Variants in TCERG1L observed in about 807,000 individuals in gnomAD.
TCERG1L encodes the protein transcription elongation regulator 1 like.
In TCERG1L, 37 loss-of-function variants were observed where a neutral mutation model predicts 56.3. That is an observed-to-expected ratio of 0.66 (90% CI 0.51 to 0.87). The LOEUF is 0.87. Ranked by LOEUF, TCERG1L falls within the 40% of genes least tolerant of loss-of-function variation. The pLI is 0.00. For synonymous variants in TCERG1L, 324 were observed against 326.3 expected (o/e 0.99, Z 0.08); for missense variants, 799 against 774.2 (o/e 1.03, Z -0.38).
At chr10:131,104,401 G>T in intron 9 of TCERG1L, 47 bp from the exon 10 acceptor site, 1 of 1,247,732 alleles carries the variant, frequency 8.0e-7, no homozygotes, top group Non-Finnish European at 1.1e-6. Context: ...CTAATGCTAA[G>T]CCTGAAGCCG....
chr10:131,311,324 G>A lies in TCERG1L; in HGVS notation c.312C>T (p.Ala104=). 8.9e-7 allele frequency: 1 copy of A among 1,127,342 alleles called. No individual in the cohort carries two copies. 69.8% of individuals were successfully genotyped at this position (1,127,342 alleles called of 1,614,324 possible). ...CGTGGAGCGCGGGGAAGGGGTGCGC[G>A]GCGGCGGCGGCGGCGGAGTCTGGCG... ...PSAPDSAAAA[A]AHPFPALHGQ... The change falls in exon 1 of 12, where the codon GCC becomes GCT. Residue 104 remains alanine, a synonymous_variant. Coordinates refer to ENST00000368642, the MANE Select transcript of TCERG1L (RefSeq NM_174937.4). The surrounding 1 kb of genome is among the most constrained non-coding windows in gnomAD (Gnocchi z 4.0).
intron 6 of TCERG1L, chr10:131,156,114 C>T (rs532972358): frequency 1.3e-5 from 2 of 152,236 alleles, no homozygotes; most frequent in South Asian, 2.1e-4. Context: ...CTGATGTGAC[C>T]GAGCCCCGCA....
rs1845683769 is a variant in TCERG1L at position 131,217,670 on chromosome 10, T to C, written c.856+42589A>G. On this transcript the variant is annotated intron_variant, in intron 4 of 11. Coordinates refer to ENST00000368642, the MANE Select transcript of TCERG1L (RefSeq NM_174937.4). ...ATGGGAAGCTCCACTCCTTCCAGGC[T>C]GAGTCTTGCTTCAATCTGACCCTAC... 2.0e-5 allele frequency among the ~76,000 whole-genome samples: 3 copies of C among 149,690 alleles called. No individual in the cohort carries two copies. The South Asian group carries it at 6.4e-4, about 32-fold the overall frequency.
rs1486127223 is a variant in TCERG1L at position 131,107,512 on chromosome 10, G to A, written c.1396-3158C>T. Among the ~76,000 whole-genome samples, 5 of 152,114 alleles carry A rather than the reference G, an allele frequency of 3.3e-5. No individual in the cohort carries two copies. In the East Asian group the frequency reaches 9.6e-4, roughly 29 times the overall value. On this transcript the variant is annotated intron_variant, in intron 9 of 11. Coordinates refer to ENST00000368642, the MANE Select transcript of TCERG1L (RefSeq NM_174937.4). ...CACAGTGGCTGGGACCCGGGATGGAGGTGGGGGCTGAAGTGAAGGCCGCAC... is the reference window on the plus strand; with the variant it reads ...CACAGTGGCTGGGACCCGGGATGGAAGTGGGGGCTGAAGTGAAGGCCGCAC...
At position 131,311,569 on chromosome 10, in the gene TCERG1L, G is replaced by C; in HGVS notation, c.67C>G (p.Gln23Glu). 2 of 1,158,206 alleles carry C rather than the reference G, an allele frequency of 1.7e-6. No homozygotes were observed. The highest frequency in any genetic ancestry group is 2.1e-6 in the Non-Finnish European group (2 of 941,594). 71.7% of individuals were successfully genotyped at this position (1,158,206 alleles called of 1,614,324 possible). A position where few individuals can be genotyped will look rare whatever the true frequency, so the allele number is the denominator to read the frequency against. ...QLQQQQPRRR[Q>E]PLLWPMDAEP... ...GCGTCCATCGGCCAGAGGAGAGGCT[G>C]CCGCCGCCGGGGCTGCTGCTGCTGC... Residue 23 changes from glutamine to glutamate, a missense_variant, in exon 1 of 12, where the codon CAG becomes GAG. Physicochemically the swap from Gln to Glu is conservative, Grantham distance 29 (BLOSUM62 2). Transcript: ENST00000368642. This position sits in a 1 kb window ranked among gnomAD's most constrained non-coding sequence, Gnocchi z 4.0.
intron 4 of TCERG1L, among the ~76,000 whole-genome samples, chr10:131,199,079 C>T (rs943508724): frequency 2.0e-5 from 3 of 152,200 alleles, no homozygotes; most frequent in Non-Finnish European, 2.9e-5. Context: ...CTGAGCCCTT[C>T]CACCCTCAAG....
At chr10:131,236,399 C>T (rs1845913089) in intron 4 of TCERG1L, among the ~76,000 whole-genome samples, 1 of 152,186 alleles carries the variant, frequency 6.6e-6, no homozygotes, top group Non-Finnish European at 1.5e-5. Flanking sequence ...CCACATGACA[C>T]AGCCATGCTG....
chr10:131,095,795 AT>A (rs1845239193), intron 11 of TCERG1L: 1 of 150,628 alleles, frequency 6.6e-6, no homozygotes, highest in African/African-American at 2.4e-5. Context: ...ATTAACTCTC[AT>A]TTTAAAAAGA....
chr10:131,284,142 A>C (rs1481083756), intron 3 of TCERG1L, among the ~76,000 whole-genome samples: 1 of 137,886 alleles, frequency 7.3e-6, no homozygotes, highest in Non-Finnish European at 1.6e-5. Flanking sequence ...AAAAAAAAAA[A>C]AGAAAAGAAA....
At chr10:131,294,421 T>G (rs1440204203) in intron 3 of TCERG1L, among the ~76,000 whole-genome samples, 1 of 152,190 alleles carries the variant, frequency 6.6e-6, no homozygotes, top group Non-Finnish European at 1.5e-5. Context: ...GCCCATTATC[T>G]CTTTAAAAAT....
chr10:131,158,534 C>A (rs1480123047), intron 6 of TCERG1L, among the ~76,000 whole-genome samples: 2 of 152,214 alleles, frequency 1.3e-5, no homozygotes, highest in Non-Finnish European at 2.9e-5. Flanking sequence ...CTTATCATCC[C>A]AATTCCAGCT....
rs369268303 is a variant in TCERG1L at position 131,106,320 on chromosome 10, C to T, written c.1396-1966G>A. Among the ~76,000 whole-genome samples the T allele has an allele frequency of 6.6e-4, 101 of 152,310 alleles. 2 individuals are homozygous for T. The South Asian group carries it at 0.017, about 26-fold the overall frequency. On this transcript the variant is annotated intron_variant, in intron 9 of 11. Transcript: ENST00000368642. ...TCTTGAGATGGCACTAGGGCCATGG[C>T]GGAGACAGACCTGGACACTAGTGGG...
At chr10:131,178,720 T>A (rs1482000801) in intron 4 of TCERG1L, among the ~76,000 whole-genome samples, 7 of 152,152 alleles carry the variant, frequency 4.6e-5, no homozygotes, top group Admixed American at 4.6e-4. Flanking sequence ...CTGCCCCAGG[T>A]GTCTCCGGGA....
intron 6 of TCERG1L, among the ~76,000 whole-genome samples, chr10:131,159,428 T>C (rs1180362763): frequency 1.3e-5 from 2 of 152,184 alleles, no homozygotes; most frequent in Non-Finnish European, 2.9e-5. Context: ...TGTGGTCTTC[T>C]TAGAAAGTTC....
At chr10:131,289,120 TGC>T (rs1846578481) in intron 3 of TCERG1L, among the ~76,000 whole-genome samples, 2 of 151,456 alleles carry the variant, frequency 1.3e-5, no homozygotes, top group South Asian at 2.1e-4. Flanking sequence ...AAAAACAGAT[TGC>T]TTCGCTATAG....
intron 7 of TCERG1L, among the ~76,000 whole-genome samples, chr10:131,140,159 G>A (rs1468946637): frequency 6.6e-6 from 1 of 152,280 alleles, no homozygotes; most frequent in South Asian, 2.1e-4. Context: ...TCTCTCATAC[G>A]CAGAATGCAC....
At chr10:131,124,797 G>A (rs1010344542) in intron 8 of TCERG1L, among the ~76,000 whole-genome samples, 8 of 152,212 alleles carry the variant, frequency 5.3e-5, no homozygotes, top group Non-Finnish European at 1.0e-4. Context: ...AATAAAATGC[G>A]TGGTCTCTGA....
At chr10:131,111,645 C>G (rs193254824) in intron 9 of TCERG1L, among the ~76,000 whole-genome samples, 1 of 142,752 alleles carries the variant, frequency 7.0e-6, no homozygotes, top group Non-Finnish European at 1.6e-5. Flanking sequence ...CTTTGAAATA[C>G]GGTCACGATT....
At chr10:131,218,489 C>CTATT (rs61109787) in intron 4 of TCERG1L, among the ~76,000 whole-genome samples, 40,965 of 151,100 alleles carry the variant, frequency 0.27, 5,879 homozygotes, top group East Asian at 0.43. Context: ...TCCTTTTTTT[C>CTATT]TATTTATTTA....
Sources: allele counts gnomAD v4.1 joint callset (sites outside exome capture counted in the v4.1 genomes callset), GRCh38; gene constraint gnomAD v4.1.1; non-coding constraint Gnocchi (gnomAD v3.1); transcripts MANE v1.5; gene names NCBI Gene and HGNC (gene_info 2026-07-23, HGNC 2026-07-21).